SYNPR: variants seen among roughly 807,000 people sequenced by gnomAD.
SYNPR encodes synaptoporin.
Under a neutral mutation model 32.9 loss-of-function variants are expected in SYNPR, and 23 were observed. The observed-to-expected ratio is 0.70, with a 90% CI of 0.50 to 0.99. The LOEUF (loss-of-function observed/expected upper bound fraction) is 0.99. SYNPR is among the 50% of genes least tolerant of loss of function. SYNPR has a pLI of 0.00. For synonymous variants in SYNPR, 146 were observed against 135.9 expected, an observed-to-expected ratio of 1.07 and a Z score of -0.52; for missense variants, 318 against 349.3, an observed-to-expected ratio of 0.91 and a Z score of 0.71.
chr3:63,284,153 C>A (rs2086658966), intron 2 of SYNPR, among the ~76,000 whole-genome samples: 1 of 152,120 alleles, frequency 6.6e-6, no homozygotes, highest in Non-Finnish European at 1.5e-5. Flanking sequence ...GCCAGTTGAC[C>A]TTTGGTCTCT....
At chr3:63,509,339 T>A (rs1255849191) in intron 3 of SYNPR, among the ~76,000 whole-genome samples, 1 of 150,918 alleles carries the variant, frequency 6.6e-6, no homozygotes, top group East Asian at 1.9e-4. Flanking sequence ...TACATATTCT[T>A]ATATATATAC....
At chr3:63,544,865 A>T (rs1702372480) in intron 3 of SYNPR, among the ~76,000 whole-genome samples, 2 of 151,654 alleles carry the variant, frequency 1.3e-5, no homozygotes, top group South Asian at 4.2e-4. Flanking sequence ...CCATCATCTC[A>T]TTCAAACTTC....
upstream of SYNPR, among the ~76,000 whole-genome samples, chr3:63,274,861 A>G (rs867298293): frequency 1.8e-4 from 28 of 152,282 alleles, no homozygotes; most frequent in South Asian, 2.5e-3. Flanking sequence ...GACAATCAAA[A>G]TGTCTCCAAA....
chr3:63,317,200 G>T (rs190373953), intron 2 of SYNPR, among the ~76,000 whole-genome samples: 1 of 152,068 alleles, frequency 6.6e-6, no homozygotes, highest in East Asian at 1.9e-4. Flanking sequence ...AATAGAATGT[G>T]TATTCTGCAG....
chr3:63,612,397 G>A (rs1700212317), intron 5 of SYNPR, among the ~76,000 whole-genome samples: 1 of 152,188 alleles, frequency 6.6e-6, no homozygotes, highest in Non-Finnish European at 1.5e-5. Context: ...GTTTCACTGA[G>A]CACAAATAGT....
At position 63,542,386 on chromosome 3, in the gene SYNPR, A is replaced by G. The variant is rs1349031106; in HGVS notation, c.210-14157A>G. ...CCCCTTCGTTGGGGATACTAAGATA[A>G]GTAACACTGCTCGCAAATTTCGTGT... On this transcript the variant is annotated intron_variant, in intron 3 of 5. Coordinates refer to ENST00000478300, the MANE Select transcript of SYNPR (RefSeq NM_001130003.2). 2.0e-5 allele frequency among the ~76,000 whole-genome samples: 3 copies of G among 152,142 alleles called. No homozygotes were observed. In the East Asian group the frequency reaches 5.8e-4, roughly 29 times the overall value.
intron 2 of SYNPR, among the ~76,000 whole-genome samples, chr3:63,359,410 G>A (rs2087628277): frequency 6.6e-6 from 1 of 152,214 alleles, no homozygotes; most frequent in Admixed American, 6.5e-5. Context: ...GAGTTGAGTT[G>A]TTTGCACATT....
intron 2 of SYNPR, among the ~76,000 whole-genome samples, chr3:63,308,076 T>C (rs2086924636): frequency 6.6e-6 from 1 of 152,072 alleles, no homozygotes; most frequent in Admixed American, 6.6e-5. Context: ...GGGTATGAAT[T>C]AAATACAAGA....
intron 3 of SYNPR, among the ~76,000 whole-genome samples, chr3:63,531,333 A>G (rs1476596776): frequency 6.6e-6 from 1 of 152,130 alleles, no homozygotes; most frequent in Non-Finnish European, 1.5e-5. Flanking sequence ...TAAAACTTAT[A>G]GGGGAGTCAT....
At chr3:63,416,502 A>C (rs2088541468) in intron 2 of SYNPR, among the ~76,000 whole-genome samples, 1 of 142,752 alleles carries the variant, frequency 7.0e-6, no homozygotes, top group East Asian at 2.2e-4. Context: ...AATGTACTCC[A>C]GCCTTGGTGA....
At chr3:63,474,148 C>G (rs957167568) in intron 2 of SYNPR, among the ~76,000 whole-genome samples, 2 of 152,122 alleles carry the variant, frequency 1.3e-5, no homozygotes, top group Non-Finnish European at 2.9e-5. Context: ...TCTGAACACA[C>G]CTCAAAATTG....
At chr3:63,565,386 C>T (rs1272863794) in intron 4 of SYNPR, among the ~76,000 whole-genome samples, 1 of 152,134 alleles carries the variant, frequency 6.6e-6, no homozygotes, top group Non-Finnish European at 1.5e-5. Flanking sequence ...GGTTCTATTG[C>T]TTGGTGAGGG....
intron 4 of SYNPR, among the ~76,000 whole-genome samples, chr3:63,583,633 G>A (rs1352804300): frequency 6.6e-6 from 1 of 152,050 alleles, no homozygotes; most frequent in African/African-American, 2.4e-5. Flanking sequence ...AATAAAATAA[G>A]TTCTCTAAAA....
At chr3:63,387,090 G>A (rs1344919383) in intron 2 of SYNPR, among the ~76,000 whole-genome samples, 2 of 152,168 alleles carry the variant, frequency 1.3e-5, no homozygotes, top group African/African-American at 4.8e-5. Flanking sequence ...ATGTTTCAAA[G>A]AGCAAAAGTG....
intron 2 of SYNPR, among the ~76,000 whole-genome samples, chr3:63,304,031 T>C (rs55732905): frequency 0.12 from 18,374 of 152,044 alleles, 1,232 homozygotes; most frequent in Non-Finnish European, 0.16. Flanking sequence ...AGACATCACA[T>C]GAATTCTCCT....
chr3:63,547,631 G>C (rs1200469426), intron 3 of SYNPR, among the ~76,000 whole-genome samples: 1 of 152,122 alleles, frequency 6.6e-6, no homozygotes, highest in African/African-American at 2.4e-5. Flanking sequence ...TATGGAGAAA[G>C]GACTGAAAGT....
At chr3:63,379,177 T>A (rs1407498206) in intron 2 of SYNPR, among the ~76,000 whole-genome samples, 2 of 152,122 alleles carry the variant, frequency 1.3e-5, no homozygotes, top group East Asian at 3.8e-4. Context: ...TAATTTTAAT[T>A]CTTTTAAATT....
chr3:63,530,711 C>T (rs1353979589), intron 3 of SYNPR, among the ~76,000 whole-genome samples: 1 of 152,112 alleles, frequency 6.6e-6, no homozygotes, highest in Non-Finnish European at 1.5e-5. Flanking sequence ...ACCTGACACT[C>T]CTGGTCTCAG....
At chr3:63,370,959 C>T (rs911530954) in intron 2 of SYNPR, among the ~76,000 whole-genome samples, 5 of 152,124 alleles carry the variant, frequency 3.3e-5, no homozygotes, top group African/African-American at 9.7e-5. Flanking sequence ...CTAGAAGGAG[C>T]TAGCGTGCAC....
Sources: allele counts gnomAD v4.1 joint callset (sites outside exome capture counted in the v4.1 genomes callset), GRCh38; gene constraint gnomAD v4.1.1; transcripts MANE v1.5; gene names NCBI Gene and HGNC (gene_info 2026-07-23, HGNC 2026-07-21).